Variants in MSR1 observed in about 807,000 individuals in gnomAD.
MSR1 encodes macrophage scavenger receptor types I and II.
A neutral mutation model predicts 47.2 loss-of-function variants in MSR1; 53 were observed. That is an observed-to-expected ratio of 1.12 (90% CI 0.90 to 1.41). The LOEUF is 1.41. Among genes scored for constraint, MSR1 ranks in the 40% most tolerant of loss-of-function variants. MSR1 has a pLI of 0.00. For synonymous variants in MSR1, 239 were observed against 185.6 expected, an observed-to-expected ratio of 1.29 and a Z score of -2.34; for missense variants, 786 against 546.9, an observed-to-expected ratio of 1.44 and a Z score of -4.36.
intron 3 of MSR1, among the ~76,000 whole-genome samples, chr8:16,172,675 TTA>T (rs1265190320): frequency 1.3e-5 from 2 of 152,040 alleles, no homozygotes; most frequent in South Asian, 4.2e-4. Context: ...CAGTAACAAT[TTA>T]TATATATATA....
intron 8 of MSR1, among the ~76,000 whole-genome samples, chr8:16,138,654 T>C (rs1379376491): frequency 1.3e-5 from 2 of 152,114 alleles, no homozygotes; most frequent in Non-Finnish European, 2.9e-5. Context: ...TAGACCAAGG[T>C]CTGCTGAAGA....
At chr8:16,190,015 C>T (rs1039833445) in intron 1 of MSR1, among the ~76,000 whole-genome samples, 1 of 147,948 alleles carries the variant, frequency 6.8e-6, no homozygotes, top group East Asian at 2.0e-4. Flanking sequence ...CCTGGGTTCA[C>T]GTGATTCTCC....
intron 1 of MSR1, among the ~76,000 whole-genome samples, chr8:16,180,896 C>T (rs1023258543): frequency 2.6e-5 from 4 of 152,054 alleles, no homozygotes; most frequent in African/African-American, 7.2e-5. Flanking sequence ...ATGGATCTGA[C>T]CACTGTGGAG....
At chr8:16,177,155 T>C (rs889684704) in intron 2 of MSR1, among the ~76,000 whole-genome samples, 9 of 152,174 alleles carry the variant, frequency 5.9e-5, no homozygotes, top group African/African-American at 2.2e-4. Context: ...ATGGGTTGAA[T>C]TCTGTGCCAC....
intron 2 of MSR1, among the ~76,000 whole-genome samples, chr8:16,175,779 T>C (rs534912809): frequency 6.6e-6 from 1 of 152,298 alleles, no homozygotes; most frequent in Admixed American, 6.5e-5. Flanking sequence ...TCCTTCTCAA[T>C]AGTTTTGTAT....
intron 9 of MSR1, among the ~76,000 whole-genome samples, chr8:16,119,257 C>T (rs184860393): frequency 4.5e-4 from 68 of 152,190 alleles, no homozygotes; most frequent in Non-Finnish European, 7.9e-4. Flanking sequence ...TTTTTTTAGA[C>T]GGAATCTCAC....
intron 1 of MSR1, among the ~76,000 whole-genome samples, chr8:16,179,271 T>C (rs1220152211): frequency 6.6e-6 from 1 of 152,172 alleles, no homozygotes; most frequent in African/African-American, 2.4e-5. Flanking sequence ...AAGTCAATTT[T>C]CCCAGATAAT....
intron 8 of MSR1, chr8:16,121,088 T>C (rs1361143922): frequency 7.6e-6 from 3 of 396,742 alleles, no homozygotes; most frequent in Non-Finnish European, 1.5e-5. Flanking sequence ...GTGATCAAAC[T>C]TCATATCTTT....
At chr8:16,161,227 A>C (rs2117161762) in intron 5 of MSR1, among the ~76,000 whole-genome samples, 1 of 151,988 alleles carries the variant, frequency 6.6e-6, no homozygotes, top group South Asian at 2.1e-4. Context: ...GATTACATAG[A>C]GAATGAGAGC....
At chr8:16,190,534 C>G (rs1298674760) in intron 1 of MSR1, among the ~76,000 whole-genome samples, 1 of 151,692 alleles carries the variant, frequency 6.6e-6, no homozygotes, top group Non-Finnish European at 1.5e-5. Context: ...ATACATTGTT[C>G]TTCTTGGGTT....
At chr8:16,113,758 G>A (rs560434998) in intron 9 of MSR1, among the ~76,000 whole-genome samples, 121 of 152,156 alleles carry the variant, frequency 8.0e-4, no homozygotes, top group African/African-American at 2.8e-3. Context: ...ATGATACTAA[G>A]ATTCTGAAGA....
chr8:16,187,070 G>A (rs76111824), intron 1 of MSR1, among the ~76,000 whole-genome samples: 1,644 of 151,770 alleles, frequency 0.011, 33 homozygotes, highest in African/African-American at 0.037. Flanking sequence ...CACTCAGGCC[G>A]TCATTAAAGT....
chr8:16,163,612 T>C (rs1801221502), intron 5 of MSR1, among the ~76,000 whole-genome samples: 1 of 151,694 alleles, frequency 6.6e-6, no homozygotes, highest in East Asian at 1.9e-4. Flanking sequence ...CTTATTTCAC[T>C]AACAGGCACT....
At chr8:16,152,720 A>G (rs138926077) in intron 6 of MSR1, among the ~76,000 whole-genome samples, 182 of 152,200 alleles carry the variant, frequency 1.2e-3, no homozygotes, top group Non-Finnish European at 2.0e-3. Flanking sequence ...CATTGTTGTC[A>G]TGGGTAAAAT....
chr8:16,140,766 A>C (rs1585154001), intron 8 of MSR1: 1 of 1,439,600 alleles, frequency 6.9e-7, no homozygotes, highest in Non-Finnish European at 9.1e-7. Flanking sequence ...TAGGGGAGAG[A>C]GGTGATGGTG....
In MSR1 at chr8:16,184,074, G is replaced by C. The variant is rs1057467783; in HGVS notation, c.-4-6082C>G. Reference sequence around the variant, plus strand: ...AAAATATCATGTTAAAAAGCATGAAGGTATGAACAATATGGAACTGAGAGC... The same window carrying C: ...AAAATATCATGTTAAAAAGCATGAACGTATGAACAATATGGAACTGAGAGC... On this transcript the variant is annotated intron_variant, in intron 1 of 9. Coordinates refer to ENST00000262101, the MANE Select transcript of MSR1 (RefSeq NM_138715.3). 2.0e-5 allele frequency among the ~76,000 whole-genome samples: 3 copies of C among 151,130 alleles called. No individual in the cohort carries two copies. In the East Asian group the frequency reaches 5.8e-4, roughly 29 times the overall value.
chr8:16,189,518 A>T lies in MSR1; in HGVS notation c.-5+3080T>A, dbSNP rs564268151. ...TATTTTATATATATTTTTATATATA[A>T]AAAATCATATTTTATATATATTTTA... On this transcript the variant is annotated intron_variant, in intron 1 of 9. Coordinates refer to ENST00000262101, the MANE Select transcript of MSR1 (RefSeq NM_138715.3). Among the ~76,000 whole-genome samples, 16 of 82,304 alleles carry T rather than the reference A, an allele frequency of 1.9e-4. 1 individual carries two copies. The highest frequency in any genetic ancestry group is 7.1e-4 in the Admixed American group (4 of 5,602). The allele number at this position is 82,304 out of a possible 152,430, so 54.0% of individuals were successfully genotyped here.
At chr8:16,142,848 GC>G (rs1236559934) in intron 8 of MSR1, among the ~76,000 whole-genome samples, 1 of 152,000 alleles carries the variant, frequency 6.6e-6, no homozygotes, top group Non-Finnish European at 1.5e-5. Flanking sequence ...GGAGGGAGGA[GC>G]CTTCTGATTC....
intron 8 of MSR1, among the ~76,000 whole-genome samples, chr8:16,133,976 G>T (rs1384755283): frequency 6.6e-6 from 1 of 152,094 alleles, no homozygotes; most frequent in African/African-American, 2.4e-5. Flanking sequence ...TTCAATTAAG[G>T]CACAAACAAG....
Sources: allele counts gnomAD v4.1 joint callset (sites outside exome capture counted in the v4.1 genomes callset), GRCh38; gene constraint gnomAD v4.1.1; transcripts MANE v1.5; gene names NCBI Gene and HGNC (gene_info 2026-07-23, HGNC 2026-07-21).